The following SERGEF variants were observed in gnomAD, a reference collection of about 807,000 sequenced individuals.
The protein encoded by SERGEF is secretion-regulating guanine nucleotide exchange factor.
In SERGEF, 51 loss-of-function variants were observed where a neutral mutation model predicts 50.0. The observed-to-expected ratio is 1.02, with a 90% CI of 0.81 to 1.29. The LOEUF (loss-of-function observed/expected upper bound fraction) is 1.29. Ranked by LOEUF, SERGEF falls within the 50% of genes most tolerant of loss-of-function variation. The pLI, the probability that SERGEF is intolerant of heterozygous loss-of-function variation, is 0.00. For synonymous variants in SERGEF, 205 were observed against 212.4 expected, an observed-to-expected ratio of 0.97 and a Z score of 0.30; for missense variants, 521 against 557.0, an observed-to-expected ratio of 0.94 and a Z score of 0.65.
chr11:17,801,664 G>GT (rs1177308471), intron 10 of SERGEF, among the ~76,000 whole-genome samples: 1 of 152,148 alleles, frequency 6.6e-6, no homozygotes, highest in African/African-American at 2.4e-5. Context: ...ATTTTAAGAT[G>GT]TAAGTGCCTA....
intron 10 of SERGEF, among the ~76,000 whole-genome samples, chr11:17,796,746 A>T (rs924255457): frequency 3.3e-5 from 5 of 152,216 alleles, no homozygotes; most frequent in African/African-American, 4.8e-5. Context: ...TCCAGGGCCA[A>T]GGATACCCTC....
At chr11:17,939,950 T>C (rs1373894686) in intron 9 of SERGEF, among the ~76,000 whole-genome samples, 2 of 152,176 alleles carry the variant, frequency 1.3e-5, no homozygotes, top group East Asian at 1.9e-4. Context: ...TTTTCAGCAA[T>C]ATTTGAAAAT....
At chr11:17,996,495 T>C (rs1026112057) in intron 5 of SERGEF, among the ~76,000 whole-genome samples, 3 of 152,264 alleles carry the variant, frequency 2.0e-5, no homozygotes, top group Admixed American at 6.5e-5. Flanking sequence ...TTAATAGCCA[T>C]GATTTCAGCG....
At chr11:17,956,908 GA>G (rs1424816024) in intron 9 of SERGEF, among the ~76,000 whole-genome samples, 1 of 152,138 alleles carries the variant, frequency 6.6e-6, no homozygotes, top group Non-Finnish European at 1.5e-5. Context: ...TCTCCAAGGT[GA>G]ACCCACTCTT....
At chr11:17,996,067 C>T (rs1853832067) in intron 5 of SERGEF, among the ~76,000 whole-genome samples, 158 bp from the exon 6 acceptor site, 1 of 152,132 alleles carries the variant, frequency 6.6e-6, no homozygotes, top group Admixed American at 6.5e-5. Flanking sequence ...CTGTAACTGG[C>T]CCAGGGATTA....
chr11:17,966,332 G>C (rs1379509911), intron 8 of SERGEF, among the ~76,000 whole-genome samples: 5 of 152,150 alleles, frequency 3.3e-5, no homozygotes, highest in Admixed American at 3.3e-4. Flanking sequence ...CTCAAGACTC[G>C]TAAGACTTGA....
intron 3 of SERGEF, among the ~76,000 whole-genome samples, chr11:18,005,567 T>C (rs1331624835): frequency 6.6e-6 from 1 of 152,212 alleles, no homozygotes; most frequent in East Asian, 1.9e-4. Context: ...CAAGGGTTTA[T>C]GACAGGAGAG....
intron 9 of SERGEF, among the ~76,000 whole-genome samples, chr11:17,949,832 G>T (rs1852740539): frequency 6.6e-6 from 1 of 152,168 alleles, no homozygotes; most frequent in Non-Finnish European, 1.5e-5. Context: ...AACAGAGAAA[G>T]TAAGAAGAGG....
rs1368157201 is a variant in SERGEF at position 17,858,956 on chromosome 11, G to A, written c.1048+19252C>T. ...CTAGGAGAATAAATACCCTGACCTC[G>A]TTGTTTTTCAGTCCTGAGATCTGCC... On this transcript the variant is annotated intron_variant, in intron 10 of 10. Transcript: ENST00000265965. 2.6e-5 allele frequency among the ~76,000 whole-genome samples: 4 copies of A among 152,100 alleles called. No homozygotes were observed. The East Asian group carries it at 5.8e-4, about 22-fold the overall frequency.
At chr11:18,004,160 A>G (rs1854024064) in intron 4 of SERGEF, among the ~76,000 whole-genome samples, 1 of 152,250 alleles carries the variant, frequency 6.6e-6, no homozygotes, top group Non-Finnish European at 1.5e-5. Flanking sequence ...TACTAATTTT[A>G]GAACTGTAAA....
chr11:17,970,121 TTTTTG>T (rs1483022969), intron 8 of SERGEF, among the ~76,000 whole-genome samples: 1 of 152,142 alleles, frequency 6.6e-6, no homozygotes, highest in East Asian at 1.9e-4. Context: ...ATAACTGCGG[TTTTTG>T]TTTTGTTTTT....
At chr11:17,939,060 G>A (rs1377242418) in intron 9 of SERGEF, among the ~76,000 whole-genome samples, 1 of 152,132 alleles carries the variant, frequency 6.6e-6, no homozygotes, top group African/African-American at 2.4e-5. Flanking sequence ...ATTTAAGATG[G>A]TGACTCTATC....
chr11:17,988,773 G>T lies in SERGEF; in HGVS notation c.686-18C>A. 1 of 1,610,752 alleles carries T rather than the reference G, an allele frequency of 6.2e-7. No homozygotes were observed. The highest frequency in any genetic ancestry group is 8.5e-7 in the Non-Finnish European group (1 of 1,177,854). ...TCCTGCATCTTAAACAAACAGAAGG[G>T]TAACAAAAGAGGTGAGGGAACATTA... On this transcript the variant is annotated intron_variant, in intron 7 of 10. Coordinates refer to ENST00000265965, the MANE Select transcript of SERGEF (RefSeq NM_012139.4).
intron 10 of SERGEF, among the ~76,000 whole-genome samples, chr11:17,801,485 GT>G (rs1470018434): frequency 1.8e-4 from 27 of 152,250 alleles, no homozygotes; most frequent in Non-Finnish European, 2.4e-4. Flanking sequence ...TTTATAAACT[GT>G]TTTGGATATA....
rs145927900 is a variant in SERGEF at position 17,798,379 on chromosome 11, C to T, written c.1049-9966G>A. ...CATCTGACAGCAGCCCAGTGAGGCACGTATTGGATCAACACTGCATGGAAG... is the reference window on the plus strand; with the variant it reads ...CATCTGACAGCAGCCCAGTGAGGCATGTATTGGATCAACACTGCATGGAAG... On this transcript the variant is annotated intron_variant, in intron 10 of 10. Coordinates refer to ENST00000265965, the MANE Select transcript of SERGEF (RefSeq NM_012139.4). Among the ~76,000 whole-genome samples the T allele has an allele frequency of 5.3e-5, 8 of 152,302 alleles. No individual in the cohort carries two copies. The South Asian group carries it at 8.3e-4, about 16-fold the overall frequency.
intron 9 of SERGEF, among the ~76,000 whole-genome samples, chr11:17,931,768 A>G (rs977501894): frequency 2.0e-5 from 3 of 152,208 alleles, no homozygotes; most frequent in Admixed American, 6.5e-5. Flanking sequence ...CCAGACCTTA[A>G]GTATCAACAC....
At chr11:17,965,465 CA>C (rs1853099094) in intron 8 of SERGEF, among the ~76,000 whole-genome samples, 1 of 152,200 alleles carries the variant, frequency 6.6e-6, no homozygotes, top group South Asian at 2.1e-4. Context: ...ACCCTGACCC[CA>C]TTCACCTAGT....
chr11:17,858,142 A>G (rs1193642590), intron 10 of SERGEF, among the ~76,000 whole-genome samples: 2 of 152,250 alleles, frequency 1.3e-5, no homozygotes, highest in Non-Finnish European at 2.9e-5. Flanking sequence ...GATAGGGCTG[A>G]AATCAGAGGC....
intron 9 of SERGEF, among the ~76,000 whole-genome samples, chr11:17,959,012 G>T (rs567047229): frequency 1.3e-5 from 2 of 152,218 alleles, no homozygotes; most frequent in African/African-American, 2.4e-5. Flanking sequence ...GGGACTACAG[G>T]TGTGTGCCAC....
Sources: allele counts gnomAD v4.1 joint callset (sites outside exome capture counted in the v4.1 genomes callset), GRCh38; gene constraint gnomAD v4.1.1; transcripts MANE v1.5; gene names NCBI Gene and HGNC (gene_info 2026-07-23, HGNC 2026-07-21).